PTH2: variants seen among roughly 807,000 people sequenced by gnomAD.
PTH2 encodes the protein parathyroid hormone 2.
A neutral mutation model predicts 6.2 loss-of-function variants in PTH2; 5 were observed. That is an observed-to-expected ratio of 0.80 (90% CI 0.42 to 1.69). The LOEUF is 1.69. PTH2 is among the 40% of genes most tolerant of loss of function. The probability of loss-of-function intolerance (pLI) is 0.02; values close to 1 mark genes in which losing one functional copy is unlikely to be tolerated. For missense variants in PTH2, 156 were observed against 142.5 expected, an observed-to-expected ratio of 1.09 and a Z score of -0.48; for synonymous variants, 67 against 73.6, an observed-to-expected ratio of 0.91 and a Z score of 0.46.
In PTH2 at chr19:49,423,273, CCAGCAGCAGCAGCAG is replaced by C. The variant is rs72555384; in HGVS notation, c.52_66del (p.Leu18_Leu22del). On this transcript the variant is annotated inframe_deletion, in exon 1 of 2. Coordinates refer to ENST00000270631, the MANE Select transcript of PTH2 (RefSeq NM_178449.4). ...GCAGTGCGGACGCCCCAGGGCACCA[CCAGCAGCAGCAGCAG>C]CAGCAGCAGCAGCCGAACCCGAGGG... 18 of 1,580,842 alleles carry C rather than the reference CCAGCAGCAGCAGCAG, an allele frequency of 1.1e-5. No homozygotes were observed. Among genetic ancestry groups the C allele is most frequent in the African/African-American group, 9.4e-5 (7 of 74,144 alleles).
At position 49,423,305 on chromosome 19, in the gene PTH2, A is replaced by C. The variant is rs144508742; in HGVS notation, c.35T>G (p.Val12Gly). 1.6e-3 allele frequency: 2,499 copies of C among 1,609,178 alleles called. 4 individuals carry two copies. Among genetic ancestry groups the C allele is most frequent in the Non-Finnish European group, 2.0e-3 (2,359 of 1,178,026 alleles). ...ETRQVSRSPR[V>G]RLLLLLLLLL... The stretch of plus-strand genomic sequence containing the variant: ...CAGCAGCAGCAGCAGCAGCAGCCGA[A>C]CCCGAGGGCTCCTGGACACCTGGCG... The change falls in exon 1 of 2, where the codon GTT (valine) becomes GGT (glycine). Residue 12 changes from valine (V) to glycine (G), a missense_variant. Physicochemically the swap from Val to Gly is moderately radical, Grantham distance 109 (BLOSUM62 -3). Coordinates refer to ENST00000270631, the MANE Select transcript of PTH2 (RefSeq NM_178449.4).
At chr19:49,422,667 C>T (rs2122271151) in intron 1 of PTH2, 25 bp from the exon 2 acceptor site, 2 of 1,390,138 alleles carry the variant, frequency 1.4e-6, no homozygotes, top group South Asian at 1.7e-5. Context: ...GGTGACCGCG[C>T]GTCCAGACTC....
Position 49,423,308 on chromosome 19 carries a change from CGA to C in PTH2, c.30_31del (p.Arg11GlyfsTer?). 6.2e-7 allele frequency: 1 copy of C among 1,609,106 alleles called. No individual in the cohort carries two copies. The highest frequency in any genetic ancestry group is 1.1e-5 in the South Asian group (1 of 90,536). ...CAGCAGCAGCAGCAGCAGCCGAACC[CGA>C]GGGCTCCTGGACACCTGGCGGGTCT... On this transcript the variant is annotated frameshift_variant, in exon 1 of 2. Transcript: ENST00000270631. LOFTEE classifies it high-confidence loss of function.
In PTH2 at chr19:49,422,636, G is replaced by A. The variant is rs762668543; in HGVS notation, c.135C>T (p.Arg45=). 57 of 1,417,794 alleles carry A rather than the reference G, an allele frequency of 4.0e-5. No individual in the cohort carries two copies. The highest frequency in any genetic ancestry group is 4.9e-5 in the Non-Finnish European group (54 of 1,091,998). The allele number at this position is 1,417,794 out of a possible 1,614,324, so 87.8% of individuals were successfully genotyped here. Residue 45 remains arginine, a synonymous_variant, in exon 2 of 2, where the codon CGC becomes CGT. Transcript: ENST00000270631. ...GATCCGCCCAGGCCCGTCCTGGGGG[G>A]CGGAGGCTGTGGAGAGACGCGGTGA... The part of the protein sequence containing the change: ...ALPPVGVLSL[R]PPGRAWADPA...
intron 1 of PTH2, 37 bp from the exon 2 acceptor site, chr19:49,422,679 C>A: frequency 7.2e-7 from 1 of 1,385,312 alleles, no homozygotes; most frequent in African/African-American, 1.5e-5. Context: ...TCCAGACTCG[C>A]TCTTGCCGCC....
Position 49,422,546 on chromosome 19 carries a change from C to G in PTH2, c.225G>C (p.Ala75=), listed in dbSNP as rs1399403690. 6.3e-7 allele frequency: 1 copy of G among 1,594,808 alleles called. No individual in the cohort carries two copies. Among genetic ancestry groups the G allele is most frequent in the Admixed American group, 1.7e-5 (1 of 57,828 alleles). ...LADDAAFRER[A]RLLAALERRH... ...GGCGCTCGAGGGCGGCCAGCAACCGCGCGCGCTCCCGGAAGGCCGCGTCGT... is the reference window on the plus strand; with the variant it reads ...GGCGCTCGAGGGCGGCCAGCAACCGGGCGCGCTCCCGGAAGGCCGCGTCGT... The change falls in exon 2 of 2, where the codon GCG becomes GCC. Residue 75 remains alanine (A), a synonymous_variant. Coordinates refer to ENST00000270631, the MANE Select transcript of PTH2 (RefSeq NM_178449.4).
intron 1 of PTH2, 47 bp downstream of exon 1, chr19:49,423,165 T>C: frequency 6.3e-7 from 1 of 1,595,408 alleles, no homozygotes; most frequent in African/African-American, 1.3e-5. Context: ...TCTTCCCACT[T>C]CTCCAAGTTC....
Position 49,423,429 on chromosome 19 carries a change from C to T in PTH2, c.-90G>A. ...CCATGCATCCACCCCCAGCTTCCCG[C>T]ACAGTCCCCTACCGTGCAGTGGGCT... On this transcript the variant is annotated 5_prime_UTR_variant, in exon 1 of 2. Coordinates refer to ENST00000270631, the MANE Select transcript of PTH2 (RefSeq NM_178449.4). The T allele has an allele frequency of 2.0e-6, 3 of 1,485,606 alleles. No individual in the cohort carries two copies. Among genetic ancestry groups the T allele is most frequent in the Non-Finnish European group, 2.7e-6 (3 of 1,112,682 alleles). 92.0% of individuals were successfully genotyped at this position (1,485,606 alleles called of 1,614,324 possible).
chr19:49,422,433 C>G lies in PTH2; in HGVS notation c.*35G>C, dbSNP rs763336745. 1 of 1,578,574 alleles carries G rather than the reference C, an allele frequency of 6.3e-7. No individual in the cohort carries two copies. The highest frequency in any genetic ancestry group is 1.1e-5 in the South Asian group (1 of 87,452). ...ACTAGGCGCAGTCCGGAGCGCAGGG[C>G]ATGGTCTTTATTAAGATGGGGACGG... On this transcript the variant is annotated 3_prime_UTR_variant, in exon 2 of 2. Coordinates refer to ENST00000270631, the MANE Select transcript of PTH2 (RefSeq NM_178449.4).
Position 49,422,631 on chromosome 19 carries a change from G to C in PTH2, c.140C>G (p.Pro47Arg). The C allele has an allele frequency of 7.0e-7, 1 of 1,421,280 alleles. No individual in the cohort carries two copies. Among genetic ancestry groups the C allele is most frequent in the Non-Finnish European group, 9.1e-7 (1 of 1,093,914 alleles). The allele number at this position is 1,421,280 out of a possible 1,614,324, so 88.0% of individuals were successfully genotyped here. Reference sequence around the variant, plus strand: ...GGCGGGATCCGCCCAGGCCCGTCCTGGGGGGCGGAGGCTGTGGAGAGACGC... The same window carrying C: ...GGCGGGATCCGCCCAGGCCCGTCCTCGGGGGCGGAGGCTGTGGAGAGACGC... Reference protein sequence around the residue: ...PPVGVLSLRPPGRAWADPATP... With the variant: ...PPVGVLSLRPRGRAWADPATP... Residue 47 changes from proline to arginine, a missense_variant, in exon 2 of 2, where the codon CCA becomes CGA. Coordinates refer to ENST00000270631, the MANE Select transcript of PTH2 (RefSeq NM_178449.4).
rs1391146609 is a variant in PTH2, at chr19:49,423,393, C to T, written c.-54G>A. 92 of 1,530,600 alleles carry T rather than the reference C, an allele frequency of 6.0e-5. No homozygotes were observed. Among genetic ancestry groups the T allele is most frequent in the Non-Finnish European group, 7.8e-5 (89 of 1,140,408 alleles). The allele number at this position is 1,530,600 out of a possible 1,614,324, so 94.8% of individuals were successfully genotyped here. A position where few individuals can be genotyped will look rare whatever the true frequency, so the allele number is the denominator to read the frequency against. ...GTAGGGCTGCATCCCGGCCCAGAAC[C>T]CCGGGCCCCACCATGCATCCACCCC... is the stretch of plus-strand genomic sequence containing the variant. On this transcript the variant is annotated 5_prime_UTR_variant, in exon 1 of 2. Coordinates refer to ENST00000270631, the MANE Select transcript of PTH2 (RefSeq NM_178449.4).
chr19:49,422,533 C>A lies in PTH2; in HGVS notation c.238G>T (p.Ala80Ser), dbSNP rs767258081. The A allele has an allele frequency of 1.9e-6, 3 of 1,596,356 alleles. No individual in the cohort carries two copies. Among genetic ancestry groups the A allele is most frequent in the African/African-American group, 1.4e-5 (1 of 72,008 alleles). ...TTCAGCCAGTGGCGGCGCTCGAGGG[C>A]GGCCAGCAACCGCGCGCGCTCCCGG... is the stretch of plus-strand genomic sequence containing the variant. ...AFRERARLLA[A>S]LERRHWLNSY... The change falls in exon 2 of 2, where the codon GCC becomes TCC. Residue 80 changes from alanine (A) to serine (S), a missense_variant. Physicochemically the swap from Ala to Ser is moderately conservative, Grantham distance 99. Transcript: ENST00000270631.
Position 49,423,238 on chromosome 19 carries a change from G to C in PTH2, c.102C>G (p.Val34=). Residue 34 remains valine, a synonymous_variant, in exon 1 of 2, where the codon GTC becomes GTG. Transcript: ENST00000270631. ...TGAGGACCCCGACCGGGGGCAGGGC[G>C]ACTCCCGAGGCAGTGCGGACGCCCC... ...VPWGVRTASG[V]ALPPVGVLSL... is the part of the protein sequence containing the mutation. 1.2e-6 allele frequency: 2 copies of C among 1,613,748 alleles called. No individual in the cohort carries two copies. Among genetic ancestry groups the C allele is most frequent in the Non-Finnish European group, 1.7e-6 (2 of 1,179,830 alleles).
intron 1 of PTH2, 148 bp from the exon 2 acceptor site, chr19:49,422,790 T>C: frequency 1.3e-6 from 1 of 750,108 alleles, no homozygotes; most frequent in South Asian, 2.3e-5. Context: ...TGTGTGGGTC[T>C]CTGTCTCTCT....
chr19:49,422,601 G>C lies in PTH2; in HGVS notation c.170C>G (p.Pro57Arg). 1.3e-6 allele frequency: 2 copies of C among 1,499,090 alleles called. No individual in the cohort carries two copies. The highest frequency in any genetic ancestry group is 1.3e-5 in the South Asian group (1 of 75,310). 92.9% of individuals were successfully genotyped at this position (1,499,090 alleles called of 1,614,324 possible). A position where few individuals can be genotyped will look rare whatever the true frequency, so the allele number is the denominator to read the frequency against. ...CAGCGCCAGGCTCCTCCGCGGCCTGGGGGTGGCGGGATCCGCCCAGGCCCG... is the reference window on the plus strand; with the variant it reads ...CAGCGCCAGGCTCCTCCGCGGCCTGCGGGTGGCGGGATCCGCCCAGGCCCG... ...PGRAWADPAT[P>R]RPRRSLALAD... The change falls in exon 2 of 2, where the codon CCC becomes CGC. Residue 57 changes from proline (P) to arginine (R), a missense_variant. By Grantham distance (103) the Pro-to-Arg change is moderately radical. Coordinates refer to ENST00000270631, the MANE Select transcript of PTH2 (RefSeq NM_178449.4).
Sources: gnomAD v4.1 joint callset for allele counts on GRCh38, gnomAD v4.1.1 for gene constraint, MANE v1.5 for transcripts, NCBI Gene and HGNC (gene_info 2026-07-23, HGNC 2026-07-21) for gene names.